Variants in AKT3 observed in about 807,000 individuals in gnomAD.
AKT3 encodes the protein AKT serine/threonine kinase 3, also known as RAC-gamma serine/threonine-protein kinase.
Under a neutral mutation model 65.3 loss-of-function variants are expected in AKT3, and 15 were observed. The ratio of observed to expected loss-of-function variants is 0.23; its 90% CI spans 0.15 to 0.35. The LOEUF is 0.35. Ranked by LOEUF, AKT3 falls within the 10% of genes least tolerant of loss-of-function variation. The probability of loss-of-function intolerance (pLI) is 1.00; values close to 1 mark genes in which losing one functional copy is unlikely to be tolerated. For synonymous variants in AKT3, 206 were observed against 183.8 expected, an observed-to-expected ratio of 1.12 and a Z score of -0.98; for missense variants, 243 against 576.5, an observed-to-expected ratio of 0.42 and a Z score of 5.92.
intron 1 of AKT3, among the ~76,000 whole-genome samples, chr1:243,848,594 G>A (rs899463516): frequency 6.6e-5 from 10 of 152,054 alleles, no homozygotes; most frequent in African/African-American, 2.4e-4. Context: ...TTCAACCACT[G>A]ACAAAACCCA....
At chr1:243,834,496 GC>G (rs1694762404) in intron 2 of AKT3, among the ~76,000 whole-genome samples, 1 of 152,044 alleles carries the variant, frequency 6.6e-6, no homozygotes, top group South Asian at 2.1e-4. Context: ...TCAAGAACAC[GC>G]TGAGGGTGTA....
rs573164803 is a variant in AKT3, at chr1:243,673,676, C to T, written c.173-8793G>A. ...TTCACCAGGCTGGAGTGCAGTGGCGCGATCTCGGCTCACTGCAACCTCCGC... is the reference window on the plus strand; with the variant it reads ...TTCACCAGGCTGGAGTGCAGTGGCGTGATCTCGGCTCACTGCAACCTCCGC... On this transcript the variant is annotated intron_variant, in intron 3 of 13. Coordinates refer to ENST00000673466, the MANE Select transcript of AKT3 (RefSeq NM_005465.7). 3.4e-5 allele frequency among the ~76,000 whole-genome samples: 5 copies of T among 145,676 alleles called. 1 individual carries two copies. The highest frequency in any genetic ancestry group is 4.3e-4 in the South Asian group (2 of 4,674).
chr1:243,743,362 C>T (rs1688283164), intron 2 of AKT3, among the ~76,000 whole-genome samples: 1 of 152,154 alleles, frequency 6.6e-6, no homozygotes, highest in African/African-American at 2.4e-5. Flanking sequence ...GAAGGAAAAA[C>T]CACTGTTTGT....
intron 12 of AKT3, among the ~76,000 whole-genome samples, chr1:243,532,077 T>C (rs1036736186): frequency 1.3e-5 from 2 of 152,226 alleles, no homozygotes; most frequent in Non-Finnish European, 2.9e-5. Context: ...TAGTTTTATT[T>C]CTTCCTTGCA....
At chr1:243,817,649 G>A (rs756960474) in intron 2 of AKT3, among the ~76,000 whole-genome samples, 1 of 152,204 alleles carries the variant, frequency 6.6e-6, no homozygotes, top group Non-Finnish European at 1.5e-5. Context: ...GCTGAGACAG[G>A]AGAATTGCTT....
At chr1:243,616,324 AAAAAAAAAGCTC>A (rs1370717433) in intron 6 of AKT3, among the ~76,000 whole-genome samples, 2 of 150,336 alleles carry the variant, frequency 1.3e-5, no homozygotes, top group African/African-American at 2.4e-5. Flanking sequence ...AAAAAAAAAA[AAAAAAAAAGCTC>A]ACAACCCTCC....
intron 8 of AKT3, among the ~76,000 whole-genome samples, chr1:243,584,341 A>G (rs1208645546): frequency 6.6e-6 from 1 of 152,168 alleles, no homozygotes; most frequent in Non-Finnish European, 1.5e-5. Context: ...CCAACCAAAA[A>G]AGTCCCAAAC....
At chr1:243,561,601 T>C (rs1482168328) in intron 10 of AKT3, among the ~76,000 whole-genome samples, 1 of 152,174 alleles carries the variant, frequency 6.6e-6, no homozygotes, top group Non-Finnish European at 1.5e-5. Flanking sequence ...AAATAATAGC[T>C]GTAATGCACT....
intron 2 of AKT3, chr1:243,793,285 C>CA (rs1156251845): frequency 1.3e-5 from 2 of 152,100 alleles, no homozygotes; most frequent in African/African-American, 4.8e-5. Context: ...GACAGGGTCT[C>CA]ACTATGTTGC....
chr1:243,708,494 C>T (rs952881378), intron 2 of AKT3, among the ~76,000 whole-genome samples: 1 of 151,990 alleles, frequency 6.6e-6, no homozygotes, highest in African/African-American at 2.4e-5. Flanking sequence ...GGCATATTTG[C>T]TCATTATACG....
intron 8 of AKT3, among the ~76,000 whole-genome samples, chr1:243,574,522 T>C (rs1252627234): frequency 6.6e-6 from 1 of 152,150 alleles, no homozygotes; most frequent in Non-Finnish European, 1.5e-5. Context: ...CAGTTAAAAC[T>C]ATAACACATG....
intron 13 of AKT3, among the ~76,000 whole-genome samples, chr1:243,493,827 G>T (rs1394622911): frequency 2.0e-5 from 3 of 151,726 alleles, no homozygotes; most frequent in Non-Finnish European, 4.4e-5. Flanking sequence ...AACAAGCAGG[G>T]GACACAGAGA....
At chr1:243,848,096 T>A (rs530691356) in intron 1 of AKT3, among the ~76,000 whole-genome samples, 180 of 152,254 alleles carry the variant, frequency 1.2e-3, no homozygotes, top group Middle Eastern at 0.01. Flanking sequence ...AAACCCTACA[T>A]TCATCTAAAT....
chr1:243,828,130 G>C (rs1036311595), intron 2 of AKT3, among the ~76,000 whole-genome samples: 13 of 152,088 alleles, frequency 8.5e-5, no homozygotes, highest in African/African-American at 7.2e-5. Flanking sequence ...CTATATAGAA[G>C]TAAACAATGG....
intron 8 of AKT3, among the ~76,000 whole-genome samples, chr1:243,596,612 C>A (rs1676633462): frequency 6.6e-6 from 1 of 152,130 alleles, no homozygotes; most frequent in South Asian, 2.1e-4. Context: ...TGCAGAACAC[C>A]TAAAATTCTC....
At chr1:243,743,356 G>A (rs1029237574) in intron 2 of AKT3, among the ~76,000 whole-genome samples, 19 of 152,152 alleles carry the variant, frequency 1.2e-4, no homozygotes, top group African/African-American at 4.6e-4. Flanking sequence ...TCCCTGGAAG[G>A]AAAAACCACT....
At position 243,511,730 on chromosome 1, in the gene AKT3, A is replaced by C. The variant is rs1011857976; in HGVS notation, c.1354+594T>G. Among the ~76,000 whole-genome samples, 10 of 152,306 alleles carry C rather than the reference A, an allele frequency of 6.6e-5. No individual in the cohort carries two copies. In the South Asian group the frequency reaches 1.2e-3, roughly 19 times the overall value. On this transcript the variant is annotated intron_variant, in intron 13 of 13. Transcript: ENST00000673466. ...CATTACAGCTCCACTTATTTATGGT[A>C]TTTCTCCAAGTGTGAGACATACTAA...
chr1:243,637,553 A>G, intron 6 of AKT3, 58 bp downstream of exon 6: 2 of 1,437,768 alleles, frequency 1.4e-6, no homozygotes, highest in Non-Finnish European at 1.9e-6. Flanking sequence ...TCATGAGCCC[A>G]CAAACACATG....
chr1:243,749,068 C>A (rs1178613028), intron 2 of AKT3, among the ~76,000 whole-genome samples: 2 of 152,026 alleles, frequency 1.3e-5, no homozygotes, highest in Non-Finnish European at 2.9e-5. Context: ...ACTTCTAGTC[C>A]TTCATTCTCT....
Sources: allele counts gnomAD v4.1 joint callset (sites outside exome capture counted in the v4.1 genomes callset), GRCh38; gene constraint gnomAD v4.1.1; transcripts MANE v1.5; gene names NCBI Gene and HGNC (gene_info 2026-07-23, HGNC 2026-07-21).